The following AEBP1 variants were observed in gnomAD, a reference collection of about 807,000 sequenced individuals.
The protein encoded by AEBP1 is AE binding protein 1.
A neutral mutation model predicts 116.5 loss-of-function variants in AEBP1; 69 were observed. That is an observed-to-expected ratio of 0.59 (90% CI 0.49 to 0.72). The LOEUF (loss-of-function observed/expected upper bound fraction) is 0.72. Among genes scored for constraint, AEBP1 ranks in the 30% least tolerant of loss-of-function variants. The pLI is 0.00. For synonymous variants in AEBP1, 627 were observed against 627.3 expected, an observed-to-expected ratio of 1.00 and a Z score of 0.01; for missense variants, 1,444 against 1,557.5, an observed-to-expected ratio of 0.93 and a Z score of 1.23.
At chr7:44,105,513 T>A (rs2096222087) in intron 1 of AEBP1, among the ~76,000 whole-genome samples, 1 of 152,204 alleles carries the variant, frequency 6.6e-6, no homozygotes, top group South Asian at 2.1e-4. Flanking sequence ...GTTTTCATCG[T>A]GGCCCTCTGG....
At chr7:44,106,511 T>C (rs1356199595) in intron 1 of AEBP1, 35 bp from the exon 2 acceptor site, 1 of 1,548,698 alleles carries the variant, frequency 6.5e-7, no homozygotes, top group Non-Finnish European at 8.7e-7. Context: ...CAGAGCTGGC[T>C]CTGTTCATTT....
In AEBP1 at chr7:44,114,055, A is replaced by G. The variant is rs566458131; in HGVS notation, c.3271A>G (p.Thr1091Ala). Residue 1091 changes from threonine (T) to alanine (A), a missense_variant, in exon 21 of 21, where the codon ACA becomes GCA. By Grantham distance (58) the Thr-to-Ala change is moderately conservative (BLOSUM62 0). Transcript: ENST00000223357. ...SETETYTEVVTEFGTEVEPEF... is the reference protein window; with the variant it reads ...SETETYTEVVAEFGTEVEPEF... ...GACTGAGACCTACACAGAGGTGGTG[A>G]CAGAGTTTGGGACCGAGGTGGAGCC... is the stretch of plus-strand genomic sequence containing the variant. The G allele has an allele frequency of 1.9e-6, 3 of 1,614,112 alleles. No homozygotes were observed. The highest frequency in any genetic ancestry group is 1.7e-6 in the Non-Finnish European group (2 of 1,180,004).
In AEBP1 at chr7:44,104,702, C is replaced by T. The variant is rs545702407; in HGVS notation, c.37C>T (p.Leu13Phe). The T allele has an allele frequency of 6.3e-5, 101 of 1,605,110 alleles. 1 individual carries two copies. The African/African-American group carries it at 1.2e-3, about 19-fold the overall frequency. The change falls in exon 1 of 21, where the codon CTC becomes TTC. Residue 13 changes from leucine (L) to phenylalanine (F), a missense_variant. Coordinates refer to ENST00000223357, the MANE Select transcript of AEBP1 (RefSeq NM_001129.5). ...AVRGAPLLSC[L>F]LALLALCPGG... Reference sequence around the variant, plus strand: ...GCGCGGGGCGCCCCTGCTCAGCTGCCTCCTGGCGTTGCTGGCCCTGTGCCC... The same window carrying T: ...GCGCGGGGCGCCCCTGCTCAGCTGCTTCCTGGCGTTGCTGGCCCTGTGCCC...
At chr7:44,106,272 G>A (rs935381870) in intron 1 of AEBP1, 2 of 625,700 alleles carry the variant, frequency 3.2e-6, no homozygotes, top group African/African-American at 1.8e-5. Context: ...TTTGGCAGGT[G>A]GGGGGATGAG....
Position 44,104,570 on chromosome 7 carries a change from C to G in AEBP1, c.-96C>G. The G allele has an allele frequency of 1.3e-6, 1 of 798,112 alleles. No individual in the cohort carries two copies. 49.4% of individuals were successfully genotyped at this position (798,112 alleles called of 1,614,324 possible). A position where few individuals can be genotyped will look rare whatever the true frequency, so the allele number is the denominator to read the frequency against. ...CTCTCTCCCGCCCCTTCCTGGATTCCCTCACCCGTCTCGATCCCCTCTCCG... is the reference window on the plus strand; with the variant it reads ...CTCTCTCCCGCCCCTTCCTGGATTCGCTCACCCGTCTCGATCCCCTCTCCG... On this transcript the variant is annotated 5_prime_UTR_variant, in exon 1 of 21. Transcript: ENST00000223357.
Position 44,110,037 on chromosome 7 carries a change from G to A in AEBP1, c.1173G>A (p.Glu391=). 6.2e-7 allele frequency: 1 copy of A among 1,612,980 alleles called. No individual in the cohort carries two copies. The highest frequency in any genetic ancestry group is 1.3e-5 in the African/African-American group (1 of 75,034). Residue 391 remains glutamate, a synonymous_variant, in exon 10 of 21, where the codon GAG becomes GAA. Transcript: ENST00000223357. The part of the protein sequence containing the change: ...EKVKCPPIGM[E]SHRIEDNQIR... ...CAGAGTGTCCCCCCATTGGGATGGAGTCACACCGTATTGAGGACAACCAGA... is the reference window on the plus strand; with the variant it reads ...CAGAGTGTCCCCCCATTGGGATGGAATCACACCGTATTGAGGACAACCAGA...
intron 2 of AEBP1, 30 bp downstream of exon 2, chr7:44,106,917 G>T: frequency 6.8e-7 from 1 of 1,473,948 alleles, no homozygotes. Flanking sequence ...GGGGTGATGG[G>T]GCTCTGACTG....
At position 44,112,810 on chromosome 7, in the gene AEBP1, C is replaced by G. The variant is rs751118693; in HGVS notation, c.2470C>G (p.Leu824Val). 3.7e-6 allele frequency: 6 copies of G among 1,612,442 alleles called. No homozygotes were observed. Among genetic ancestry groups the G allele is most frequent in the Non-Finnish European group, 5.1e-6 (6 of 1,179,948 alleles). Residue 824 changes from leucine to valine, a missense_variant, in exon 18 of 21, where the codon CTC (leucine) becomes GTC (valine). Leu to Val is a conservative substitution (Grantham distance 32). Coordinates refer to ENST00000223357, the MANE Select transcript of AEBP1 (RefSeq NM_001129.5). The surrounding 1 kb of genome is among the most constrained non-coding windows in gnomAD (Gnocchi z 6.6). ...TGCCATCTCCTTCGCCTCCGCACAC[C>G]TCACCTTGACCGAGCCCTACCGCGG... is the stretch of plus-strand genomic sequence containing the variant. ...WLAISFASAHLTLTEPYRGGC... is the reference protein window; with the variant it reads ...WLAISFASAHVTLTEPYRGGC...
In AEBP1 at chr7:44,110,949, CT is replaced by C; in HGVS notation, c.1523del (p.Leu508ArgfsTer67). The C allele has an allele frequency of 6.2e-7, 1 of 1,614,034 alleles. No individual in the cohort carries two copies. Among genetic ancestry groups the C allele is most frequent in the Non-Finnish European group, 8.5e-7 (1 of 1,180,018 alleles). On this transcript the variant is annotated frameshift_variant, in exon 13 of 21. Transcript: ENST00000223357. LOFTEE classifies it high-confidence loss of function. ...GAACGTGGACAAGGACACACCCGTG[CT>C]GAGTGAGCTCCCAGAGCCGGTGGTG... ...HGNVDKDTPV[L>X]SELPEPVVAR...
intron 9 of AEBP1, chr7:44,109,611 T>C: frequency 1.7e-6 from 1 of 581,240 alleles, no homozygotes; most frequent in South Asian, 2.1e-5. Context: ...CCTGGGGCCT[T>C]GGTGGGGAGT....
Position 44,107,432 on chromosome 7 carries a change from G to T in AEBP1, c.596-7G>T. 6.2e-7 allele frequency: 1 copy of T among 1,613,212 alleles called. No homozygotes were observed. Among genetic ancestry groups the T allele is most frequent in the South Asian group, 1.1e-5 (1 of 91,082 alleles). ...GCCCACCTGCTTCTGGAACTCCTGT[G>T]TTGCAGGGGCGCCCCTCTCAAATAA... On this transcript the variant is annotated splice_region_variant and splice_polypyrimidine_tract_variant and intron_variant, in intron 2 of 20. Coordinates refer to ENST00000223357, the MANE Select transcript of AEBP1 (RefSeq NM_001129.5). The surrounding 1 kb of genome is among the most constrained non-coding windows in gnomAD (Gnocchi z 4.3).
chr7:44,104,971 A>T, intron 1 of AEBP1, 53 bp downstream of exon 1: 1 of 1,403,646 alleles, frequency 7.1e-7, no homozygotes, highest in Non-Finnish European at 9.5e-7. Context: ...TCAGGTGGGA[A>T]CAGGGGGATT....
rs150909656 is a variant in AEBP1 at position 44,110,729 on chromosome 7, G to A, written c.1405G>A (p.Asp469Asn). Residue 469 changes from aspartate to asparagine, a missense_variant, in exon 12 of 21, where the codon GAT becomes AAT. Physicochemically the swap from Asp to Asn is conservative, Grantham distance 23. Coordinates refer to ENST00000223357, the MANE Select transcript of AEBP1 (RefSeq NM_001129.5). ...TGACCACTGTCCACTCCACAGTGAC[G>A]ATTTTGTGACCACCTTCTTCGTGGG... is the stretch of plus-strand genomic sequence containing the variant. ...TQGRDSSIHD[D>N]FVTTFFVGFS... The A allele has an allele frequency of 1.6e-5, 25 of 1,522,730 alleles. No individual in the cohort carries two copies. In the African/African-American group the frequency reaches 1.7e-4, roughly 10 times the overall value. 94.3% of individuals were successfully genotyped at this position (1,522,730 alleles called of 1,614,324 possible). A position where few individuals can be genotyped will look rare whatever the true frequency, so the allele number is the denominator to read the frequency against.
At position 44,110,362 on chromosome 7, in the gene AEBP1, C is replaced by T. The variant is rs2096227926; in HGVS notation, c.1400+16C>T. The T allele has an allele frequency of 1.2e-6, 2 of 1,613,506 alleles. No homozygotes were observed. The highest frequency in any genetic ancestry group is 1.3e-5 in the African/African-American group (1 of 75,060). ...CCAGCATCCAGTGCGTGGCCAGGCT[C>T]ATGGATAGTTGGCAGAGGGGAGTGG... On this transcript the variant is annotated intron_variant, in intron 11 of 20. Transcript: ENST00000223357.
chr7:44,113,400 CAG>C lies in AEBP1; in HGVS notation c.2809+54_2809+55del, dbSNP rs1562689441. ...CCCATCTTTCTGAGGGAGGACCCGCCAGAGAGGGTGGGGGCTTGAGGAACTCA... is the reference window on the plus strand; with the variant it reads ...CCCATCTTTCTGAGGGAGGACCCGCCAGAGGGTGGGGGCTTGAGGAACTCA... On this transcript the variant is annotated intron_variant, in intron 20 of 20. Transcript: ENST00000223357. The surrounding 1 kb of genome is among the most constrained non-coding windows in gnomAD (Gnocchi z 5.3). The C allele has an allele frequency of 1.3e-6, 2 of 1,548,808 alleles. No homozygotes were observed. Among genetic ancestry groups the C allele is most frequent in the Admixed American group, 1.9e-5 (1 of 53,276 alleles).
chr7:44,112,947 T>C lies in AEBP1; in HGVS notation c.2569+38T>C, dbSNP rs370845681. ...GGGAGGGGCTGTGGGCGGGGCCTGG[T>C]CCGGAGAGGGGCTGACTTTGGGTCT... On this transcript the variant is annotated intron_variant, in intron 18 of 20. Coordinates refer to ENST00000223357, the MANE Select transcript of AEBP1 (RefSeq NM_001129.5). This position sits in a 1 kb window ranked among gnomAD's most constrained non-coding sequence, Gnocchi z 6.6. The C allele has an allele frequency of 6.2e-7, 1 of 1,611,282 alleles. No individual in the cohort carries two copies. Among genetic ancestry groups the C allele is most frequent in the Non-Finnish European group, 8.5e-7 (1 of 1,178,816 alleles).
Position 44,110,803 on chromosome 7 carries a change from G to A in AEBP1, c.1479G>A (p.Glu493=). 2 of 1,564,134 alleles carry A rather than the reference G, an allele frequency of 1.3e-6. No individual in the cohort carries two copies. Among genetic ancestry groups the A allele is most frequent in the Non-Finnish European group, 1.7e-6 (2 of 1,154,380 alleles). The change falls in exon 12 of 21, where the codon GAG becomes GAA. Residue 493 remains glutamate (E), a synonymous_variant. Coordinates refer to ENST00000223357, the MANE Select transcript of AEBP1 (RefSeq NM_001129.5). ...GGGTGATGTACACCAACGGCTATGAGGAAATGGTGGGCACCATGCCCAGGC... is the reference window on the plus strand; with the variant it reads ...GGGTGATGTACACCAACGGCTATGAAGAAATGGTGGGCACCATGCCCAGGC... ...QTWVMYTNGY[E]EMTFHGNVDK...
In AEBP1 at chr7:44,112,757, CTCCAGACCACGCCA is replaced by C. The variant is rs754027953; in HGVS notation, c.2420_2433del (p.Pro807LeufsTer49). The C allele has an allele frequency of 6.2e-7, 1 of 1,613,150 alleles. No homozygotes were observed. The highest frequency in any genetic ancestry group is 8.5e-7 in the Non-Finnish European group (1 of 1,179,982). On this transcript the variant is annotated frameshift_variant, in exon 18 of 21. Transcript: ENST00000223357. LOFTEE classifies it high-confidence loss of function. This position sits in a 1 kb window ranked among gnomAD's most constrained non-coding sequence, Gnocchi z 6.6. Reference sequence around the variant, plus strand: ...GACGAGGTCTCCGAGGCCCAGGAGACTCCAGACCACGCCATCTTCCGGTGGCTTGCCATCTCCTT... The same window carrying C: ...GACGAGGTCTCCGAGGCCCAGGAGACTCTTCCGGTGGCTTGCCATCTCCTT...
Position 44,104,790 on chromosome 7 carries a change from T to C in AEBP1, c.125T>C (p.Leu42Pro). ...DEIEEFLEGF[L>P]SELEPEPRED... ...ATCGAGGAGTTCCTCGAGGGCTTCC[T>C]GTCAGAGCTAGAACCTGAGCCCCGG... The change falls in exon 1 of 21, where the codon CTG becomes CCG. Residue 42 changes from leucine (L) to proline (P), a missense_variant. Physicochemically the swap from Leu to Pro is moderately conservative, Grantham distance 98 (BLOSUM62 -3). Coordinates refer to ENST00000223357, the MANE Select transcript of AEBP1 (RefSeq NM_001129.5). The C allele has an allele frequency of 3.1e-6, 5 of 1,610,898 alleles. No homozygotes were observed. The highest frequency in any genetic ancestry group is 4.2e-6 in the Non-Finnish European group (5 of 1,179,280).
Sources: gnomAD v4.1 joint callset for allele counts (sites outside exome capture counted in the v4.1 genomes callset) on GRCh38, gnomAD v4.1.1 for gene constraint, Gnocchi (gnomAD v3.1) non-coding constraint, MANE v1.5 for transcripts, NCBI Gene and HGNC (gene_info 2026-07-23, HGNC 2026-07-21) for gene names.